Variants in PLXNA4 observed in about 807,000 individuals in gnomAD.
PLXNA4 encodes the protein plexin A4.
PLXNA4 carries 44 observed loss-of-function variants against 191.8 expected under a neutral mutation model. The ratio of observed to expected loss-of-function variants is 0.23; its 90% CI spans 0.18 to 0.29. The LOEUF is 0.29. Among genes scored for constraint, PLXNA4 ranks in the 10% least tolerant of loss-of-function variants. The probability of loss-of-function intolerance (pLI) is 1.00; values close to 1 mark genes in which losing one functional copy is unlikely to be tolerated. For missense variants in PLXNA4, 1,800 were observed against 2,488.8 expected (o/e 0.72, Z 5.89); for synonymous variants, 1,082 against 1,009.5 (o/e 1.07, Z -1.36).
chr7:132,289,607 A>G (rs1800810955), intron 4 of PLXNA4, among the ~76,000 whole-genome samples: 1 of 151,794 alleles, frequency 6.6e-6, no homozygotes, highest in Non-Finnish European at 1.5e-5. Context: ...ACCACGGCTC[A>G]TTGCAGCCTC....
chr7:132,227,174 C>G (rs1336705390), intron 7 of PLXNA4, among the ~76,000 whole-genome samples: 1 of 152,212 alleles, frequency 6.6e-6, no homozygotes, highest in Non-Finnish European at 1.5e-5. Flanking sequence ...CCTGGCCTGC[C>G]CCTCCCCACC....
At chr7:132,287,736 G>T (rs925329258) in intron 4 of PLXNA4, among the ~76,000 whole-genome samples, 2 of 152,150 alleles carry the variant, frequency 1.3e-5, no homozygotes, top group East Asian at 1.9e-4. Context: ...GGGGTGGTGG[G>T]CTGCTACCCT....
At chr7:132,222,226 G>A (rs542657938) in intron 9 of PLXNA4, among the ~76,000 whole-genome samples, 81 of 152,278 alleles carry the variant, frequency 5.3e-4, no homozygotes, top group Non-Finnish European at 9.8e-4. Flanking sequence ...CGGGCAAAAC[G>A]GGATTTGGGC....
chr7:132,283,104 C>G (rs1800549362), intron 4 of PLXNA4, among the ~76,000 whole-genome samples: 1 of 152,090 alleles, frequency 6.6e-6, no homozygotes. Flanking sequence ...CTCTTGGGTT[C>G]AAGCAATTCA....
chr7:132,522,635 G>T (rs1369453097), intron 1 of PLXNA4, among the ~76,000 whole-genome samples: 1 of 152,180 alleles, frequency 6.6e-6, no homozygotes, highest in Non-Finnish European at 1.5e-5. Context: ...AGCCAGGCAT[G>T]GTGGCACATA....
At chr7:132,540,528 G>T (rs895609780) in intron 1 of PLXNA4, among the ~76,000 whole-genome samples, 1 of 146,580 alleles carries the variant, frequency 6.8e-6, no homozygotes, top group Non-Finnish European at 1.5e-5. Context: ...ACAGGAAATG[G>T]ATGTTGGCTC....
intron 3 of PLXNA4, among the ~76,000 whole-genome samples, chr7:132,302,468 C>A (rs889027350): frequency 4.6e-5 from 7 of 151,998 alleles, no homozygotes; most frequent in East Asian, 1.9e-4. Context: ...CAACCACAGT[C>A]TCTAATATCT....
chr7:132,381,159 T>C (rs997232316), intron 3 of PLXNA4, among the ~76,000 whole-genome samples: 1 of 152,194 alleles, frequency 6.6e-6, no homozygotes, highest in Non-Finnish European at 1.5e-5. Context: ...ACTTGCAAAT[T>C]GAGGACTGGT....
At chr7:132,492,704 C>G (rs1797854686) in intron 2 of PLXNA4, among the ~76,000 whole-genome samples, 1 of 152,092 alleles carries the variant, frequency 6.6e-6, no homozygotes, top group Admixed American at 6.5e-5. Context: ...AATCACAGGA[C>G]TTGGGTTCAA....
intron 3 of PLXNA4, chr7:132,485,003 G>C: frequency 6.2e-7 from 1 of 1,613,896 alleles, no homozygotes; most frequent in Non-Finnish European, 8.5e-7. Context: ...TTGTGGACCT[G>C]TGCCGAAGGA....
chr7:132,493,946 G>A (rs893724588), intron 2 of PLXNA4, among the ~76,000 whole-genome samples: 2 of 152,178 alleles, frequency 1.3e-5, no homozygotes, highest in South Asian at 2.1e-4. Flanking sequence ...GCCTTAATTT[G>A]TTACCTGTAG....
intron 3 of PLXNA4, among the ~76,000 whole-genome samples, chr7:132,378,323 T>C (rs2116929830): frequency 6.6e-6 from 1 of 152,284 alleles, no homozygotes; most frequent in African/African-American, 2.4e-5. Flanking sequence ...AGTAGGAGTA[T>C]TTAACTCAGA....
At chr7:132,177,484 G>C (rs1464840674) in intron 20 of PLXNA4, among the ~76,000 whole-genome samples, 3 of 152,184 alleles carry the variant, frequency 2.0e-5, no homozygotes, top group Admixed American at 6.5e-5. Flanking sequence ...GTCCTTTGCT[G>C]TAAGACCCCT....
Position 132,622,103 on chromosome 7 carries a change from A to G in PLXNA4, c.-87+23825T>C, listed in dbSNP as rs1328116801. ...CTGGGTTCTAGCCATTGAAATGTAA[A>G]TGGAGTGATGTGTACCGCTTCCAGG... On this transcript the variant is annotated intron_variant, in intron 2 of 4. Transcript: ENST00000378539. Among the ~76,000 whole-genome samples the G allele has an allele frequency of 2.6e-5, 4 of 152,084 alleles. No homozygotes were observed. In the East Asian group the frequency reaches 7.7e-4, roughly 29 times the overall value.
At chr7:132,608,019 C>G (rs1265306072) in intron 2 of PLXNA4, among the ~76,000 whole-genome samples, 19 of 151,864 alleles carry the variant, frequency 1.3e-4, no homozygotes, top group East Asian at 3.9e-4. Flanking sequence ...TCATCCTCAT[C>G]ACTATCACCA....
At position 132,303,248 on chromosome 7, in the gene PLXNA4, A is replaced by AT. The variant is rs201091759; in HGVS notation, c.1372-5027dup. Reference sequence around the variant, plus strand: ...TGAGAAAGGATGAAAACAGAAGTTGATTTTTTTTTTTTTTTTTTTGGTAGA... The same window carrying AT: ...TGAGAAAGGATGAAAACAGAAGTTGATTTTTTTTTTTTTTTTTTTTGGTAGA... On this transcript the variant is annotated intron_variant, in intron 3 of 31. Coordinates refer to ENST00000321063, the MANE Select transcript of PLXNA4 (RefSeq NM_020911.2). Among the ~76,000 whole-genome samples, 1,148 of 129,768 alleles carry AT rather than the reference A, an allele frequency of 8.8e-3. 11 individuals are homozygous for AT. Among genetic ancestry groups the AT allele is most frequent in the South Asian group, 0.023 (91 of 3,968 alleles). The allele number at this position is 129,768 out of a possible 152,430, so 85.1% of individuals were successfully genotyped here.
intron 4 of PLXNA4, among the ~76,000 whole-genome samples, chr7:132,279,086 A>G (rs1014752712): frequency 4.6e-5 from 7 of 152,206 alleles, no homozygotes; most frequent in Admixed American, 2.0e-4. Flanking sequence ...ATGTTCCAGC[A>G]TGAAGACATA....
At chr7:132,571,147 A>G (rs1338494842) in intron 1 of PLXNA4, among the ~76,000 whole-genome samples, 1 of 151,730 alleles carries the variant, frequency 6.6e-6, no homozygotes, top group Admixed American at 6.6e-5. Flanking sequence ...GCTTTTTCCT[A>G]AAATGTTCAG....
At chr7:132,211,911 T>G (rs1308044206) in intron 9 of PLXNA4, among the ~76,000 whole-genome samples, 4 of 152,092 alleles carry the variant, frequency 2.6e-5, no homozygotes, top group African/African-American at 9.7e-5. Flanking sequence ...CAGGGAGGGC[T>G]GGGGACATAA....
Sources: gnomAD v4.1 joint callset for allele counts (sites outside exome capture counted in the v4.1 genomes callset) on GRCh38, gnomAD v4.1.1 for gene constraint, MANE v1.5 for transcripts, NCBI Gene and HGNC (gene_info 2026-07-23, HGNC 2026-07-21) for gene names.